DNAAF4: variants seen among roughly 807,000 people sequenced by gnomAD.
The protein encoded by DNAAF4 is dynein axonemal assembly factor 4.
Under a neutral mutation model 51.8 loss-of-function variants are expected in DNAAF4, and 43 were observed. The observed-to-expected ratio is 0.83, with a 90% confidence interval of 0.65 to 1.07. DNAAF4 has a LOEUF of 1.07. DNAAF4 is among the 50% of genes least tolerant of loss of function. The pLI, the probability that DNAAF4 is intolerant of heterozygous loss-of-function variation, is 0.00. For missense variants in DNAAF4, 581 were observed against 493.0 expected (o/e 1.18, Z -1.69); for synonymous variants, 194 against 165.6 (o/e 1.17, Z -1.32).
At chr15:55,419,763 G>C (rs937912349) in intron 7 of DNAAF4, among the ~76,000 whole-genome samples, 1 of 152,098 alleles carries the variant, frequency 6.6e-6, no homozygotes, top group Non-Finnish European at 1.5e-5. Flanking sequence ...TTGGGAGCCC[G>C]GGGCTGGTGG....
intron 4 of DNAAF4, among the ~76,000 whole-genome samples, chr15:55,474,872 TGGA>T (rs2058314963): frequency 6.6e-6 from 1 of 150,992 alleles, no homozygotes; most frequent in Middle Eastern, 3.5e-3. Context: ...CCAGCTACTC[TGGA>T]GGCTGAGGAA....
intron 5 of DNAAF4, among the ~76,000 whole-genome samples, chr15:55,453,143 A>T (rs1334894675): frequency 6.6e-6 from 1 of 152,152 alleles, no homozygotes; most frequent in African/African-American, 2.4e-5. Context: ...TCTTAGTGAA[A>T]AGGATGCTTA....
At chr15:55,421,713 C>T (rs960868540) in intron 7 of DNAAF4, among the ~76,000 whole-genome samples, 1 of 151,286 alleles carries the variant, frequency 6.6e-6, no homozygotes, top group Non-Finnish European at 1.5e-5. Flanking sequence ...ATGGAGAAAC[C>T]CCATCTCCAC....
intron 5 of DNAAF4, among the ~76,000 whole-genome samples, chr15:55,450,866 G>T (rs1376058047): frequency 6.6e-6 from 1 of 152,210 alleles, no homozygotes; most frequent in Admixed American, 6.5e-5. Context: ...GGGAGGCCAA[G>T]GCGGGCCAAT....
rs535616868 is a variant in DNAAF4 at position 55,489,811 on chromosome 15, A to AAT, written c.405+1310_405+1311dup. Among the ~76,000 whole-genome samples, 30 of 152,260 alleles carry AAT rather than the reference A, an allele frequency of 2.0e-4. No homozygotes were observed. In the East Asian group the frequency reaches 5.6e-3, roughly 28 times the overall value. Reference sequence around the variant, plus strand: ...CAGTCATGGGTCCACAAAAATCTTAAATAATGCGTATTATAGATTCCTTAG... The same window carrying AAT: ...CAGTCATGGGTCCACAAAAATCTTAAATATAATGCGTATTATAGATTCCTTAG... On this transcript the variant is annotated intron_variant, in intron 4 of 9. Transcript: ENST00000321149.
intron 4 of DNAAF4, among the ~76,000 whole-genome samples, chr15:55,482,396 G>A (rs149065479): frequency 2.1e-4 from 32 of 152,238 alleles, no homozygotes; most frequent in African/African-American, 7.5e-4. Flanking sequence ...GACACTCAAG[G>A]CCAGGCGTGG....
chr15:55,496,277 T>C (rs758501502), intron 3 of DNAAF4, among the ~76,000 whole-genome samples: 1 of 152,126 alleles, frequency 6.6e-6, no homozygotes, highest in Non-Finnish European at 1.5e-5. Context: ...TGGCTGCACA[T>C]TATAATTCCT....
chr15:55,491,690 TATA>T (rs926432611), intron 3 of DNAAF4, among the ~76,000 whole-genome samples: 78 of 141,634 alleles, frequency 5.5e-4, no homozygotes, highest in South Asian at 1.3e-3. Context: ...TATATTATTA[TATA>T]ATAATATTAT....
chr15:55,433,960 T>TTATAATATTATAATATAG (rs2057558930), intron 8 of DNAAF4, among the ~76,000 whole-genome samples: 1 of 2,344 alleles, frequency 4.3e-4, no homozygotes, highest in South Asian at 0.021. Context: ...ATATAATATA[T>TTATAATATTATAATATAG]ATAATATATT....
downstream of DNAAF4, among the ~76,000 whole-genome samples, chr15:55,428,402 C>T (rs1027121790): frequency 1.3e-5 from 2 of 151,520 alleles, no homozygotes; most frequent in African/African-American, 4.9e-5. Flanking sequence ...TCAGCCTACA[C>T]CCAGGAATGA....
Position 55,497,816 on chromosome 15 carries a change from G to C in DNAAF4, c.167C>G (p.Pro56Arg), listed in dbSNP as rs763131279. 1.9e-6 allele frequency: 3 copies of C among 1,613,412 alleles called. No homozygotes were observed. Among genetic ancestry groups the C allele is most frequent in the East Asian group, 2.2e-5 (1 of 44,862 alleles). Residue 56 changes from proline (P) to arginine (R), a missense_variant, in exon 3 of 10, where the codon CCC becomes CGC. Pro to Arg is a moderately radical substitution (Grantham distance 103, BLOSUM62 -2). Transcript: ENST00000321149. ...PFLFEAFLYAPIDDESSKAKI... is the reference protein window; with the variant it reads ...PFLFEAFLYARIDDESSKAKI... ...TGCTTTGCTGCTCTCATCGTCTATGGGAGCATAAAGAAATGCCTCAAATAA... is the reference window on the plus strand; with the variant it reads ...TGCTTTGCTGCTCTCATCGTCTATGCGAGCATAAAGAAATGCCTCAAATAA...
intron 7 of DNAAF4, among the ~76,000 whole-genome samples, chr15:55,435,484 G>A (rs1272462660): frequency 6.6e-6 from 1 of 152,128 alleles, no homozygotes; most frequent in African/African-American, 2.4e-5. Flanking sequence ...TTTTAAGACC[G>A]TGGGAAGAGC....
downstream of DNAAF4, among the ~76,000 whole-genome samples, chr15:55,430,002 C>T (rs1036290544): frequency 4.0e-4 from 61 of 152,082 alleles, no homozygotes; most frequent in African/African-American, 1.4e-3. Context: ...TGTCTTTTCT[C>T]CCCCTTGTCT....
At chr15:55,456,885 G>A (rs1408636071) in intron 5 of DNAAF4, among the ~76,000 whole-genome samples, 2 of 152,212 alleles carry the variant, frequency 1.3e-5, no homozygotes, top group Admixed American at 1.3e-4. Context: ...GGAGTCCAAG[G>A]AAGCCATTCC....
At position 55,434,928 on chromosome 15, in the gene DNAAF4, T is replaced by C; in HGVS notation, c.1024A>G (p.Lys342Glu). Reference protein sequence around the residue: ...ACHLKLKNLHKAIEDSSKALE... With the variant: ...ACHLKLKNLHEAIEDSSKALE... The stretch of plus-strand genomic sequence containing the variant: ...ACCTTAGAAGAATCTTCAATAGCCT[T>C]GTGTAAGTTTTTTAGTTTTAGGTGG... The change falls in exon 8 of 10, where the codon AAG becomes GAG. Residue 342 changes from lysine to glutamate, a missense_variant. Lys to Glu is a moderately conservative substitution (Grantham distance 56). Coordinates refer to ENST00000321149, the MANE Select transcript of DNAAF4 (RefSeq NM_130810.4). 1 of 1,611,076 alleles carries C rather than the reference T, an allele frequency of 6.2e-7. No individual in the cohort carries two copies. Among genetic ancestry groups the C allele is most frequent in the Non-Finnish European group, 8.5e-7 (1 of 1,179,310 alleles).
rs1193519464 is a variant in DNAAF4 at position 55,508,150 on chromosome 15, C to G, written c.-284G>C. ...ACCAAGAGAAAACACAGGTTTCCCC[C>G]TTCTCCCATCATCCCAAGGAGCAGC... On this transcript the variant is annotated 5_prime_UTR_variant, in exon 1 of 10. Coordinates refer to ENST00000321149, the MANE Select transcript of DNAAF4 (RefSeq NM_130810.4). The G allele has an allele frequency of 6.6e-6, 1 of 152,204 alleles. No individual in the cohort carries two copies. Among genetic ancestry groups the G allele is most frequent in the Non-Finnish European group, 1.5e-5 (1 of 68,046 alleles). The allele number at this position is 152,204 out of a possible 1,614,324, so 9.4% of individuals were successfully genotyped here.
At chr15:55,431,927 G>A (rs942142835) in intron 9 of DNAAF4, among the ~76,000 whole-genome samples, 1 of 151,506 alleles carries the variant, frequency 6.6e-6, no homozygotes, top group African/African-American at 2.4e-5. Context: ...TTTATCACAC[G>A]TTTCTATGAA....
chr15:55,446,647 G>C (rs1404822039), intron 6 of DNAAF4, among the ~76,000 whole-genome samples: 1 of 139,932 alleles, frequency 7.1e-6, no homozygotes, highest in Non-Finnish European at 1.5e-5. Flanking sequence ...TCCCAGATGG[G>C]GTGGCGGCCG....
chr15:55,471,812 C>T lies in DNAAF4; in HGVS notation c.406-4651G>A, dbSNP rs192366874. 4.0e-4 allele frequency among the ~76,000 whole-genome samples: 60 copies of T among 148,444 alleles called. 1 individual carries two copies. Among genetic ancestry groups the T allele is most frequent in the Admixed American group, 1.5e-3 (23 of 14,862 alleles). ...ACAGGCGTGAGCCACCACGCCCAGCCAACAATTCTTAAAGATATTTTGTTA... is the reference window on the plus strand; with the variant it reads ...ACAGGCGTGAGCCACCACGCCCAGCTAACAATTCTTAAAGATATTTTGTTA... On this transcript the variant is annotated intron_variant, in intron 4 of 9. Coordinates refer to ENST00000321149, the MANE Select transcript of DNAAF4 (RefSeq NM_130810.4).
Sources: gnomAD v4.1 joint callset for allele counts (sites outside exome capture counted in the v4.1 genomes callset) on GRCh38, gnomAD v4.1.1 for gene constraint, MANE v1.5 for transcripts, NCBI Gene and HGNC (gene_info 2026-07-23, HGNC 2026-07-21) for gene names.